SZT2: variants seen among roughly 807,000 people sequenced by gnomAD.
SZT2 encodes KICSTOR complex protein SZT2.
In SZT2, 216 loss-of-function variants were observed where a neutral mutation model predicts 404.2. The ratio of observed to expected loss-of-function variants is 0.53; its 90% CI spans 0.48 to 0.60. The LOEUF is 0.60. Ranked by LOEUF, SZT2 falls within the 20% of genes least tolerant of loss-of-function variation. The probability of loss-of-function intolerance (pLI) is 0.00; values close to 1 mark genes in which losing one functional copy is unlikely to be tolerated. For missense variants in SZT2, 3,857 were observed against 4,459.2 expected (o/e 0.86, Z 3.85); for synonymous variants, 1,693 against 1,749.9 (o/e 0.97, Z 0.81).
At position 43,422,583 on chromosome 1, in the gene SZT2, A is replaced by G; in HGVS notation, c.1873A>G (p.Ser625Gly). Reference protein sequence around the residue: ...SSLTSLLRDWSSFVLVEGYSY... With the variant: ...SSLTSLLRDWGSFVLVEGYSY... ...CCTGACCTCTCTGCTGCGGGACTGG[A>G]GCAGCTTCGTACTAGTCGAGGGCTA... Residue 625 changes from serine to glycine, a missense_variant, in exon 13 of 72, where the codon AGC (serine) becomes GGC (glycine). By Grantham distance (56) the Ser-to-Gly change is moderately conservative. Transcript: ENST00000634258. 1 of 1,597,952 alleles carries G rather than the reference A, an allele frequency of 6.3e-7. No individual in the cohort carries two copies. The highest frequency in any genetic ancestry group is 8.5e-7 in the Non-Finnish European group (1 of 1,179,662).
At chr1:43,445,598 CT>C in intron 62 of SZT2, 1 of 456,038 alleles carries the variant, frequency 2.2e-6, no homozygotes. Context: ...CAGGCATCAC[CT>C]TCCCCCTTCT....
Position 43,443,782 on chromosome 1 carries a change from C to T in SZT2, c.8811C>T (p.Pro2937=), listed in dbSNP as rs748298194. 13 of 1,613,494 alleles carry T rather than the reference C, an allele frequency of 8.1e-6. No homozygotes were observed. The African/African-American group carries it at 1.6e-4, about 20-fold the overall frequency. Residue 2937 remains proline (P), a synonymous_variant, in exon 62 of 72, where the codon CCC becomes CCT. Coordinates refer to ENST00000634258, the MANE Select transcript of SZT2 (RefSeq NM_001365999.1). ...IGFVLVPLRP[P]SPARSTSRPR... ...TTGTGCTGGTACCACTGCGGCCCCC[C>T]TCACCCGCCCGCAGGTGAGCCCGTC...
rs1653287379 is a variant in SZT2 at position 43,427,377 on chromosome 1, A to G, written c.3530A>G (p.Asp1177Gly). Reference protein sequence around the residue: ...GDWSGAPSLKDLGGTGIKATK... With the variant: ...GDWSGAPSLKGLGGTGIKATK... ...TGGAGTGGGGCTCCCAGTCTGAAAG[A>G]TCTAGGAGGAACTGGGATCAAAGCT... Residue 1177 changes from aspartate (D) to glycine (G), a missense_variant, in exon 25 of 72, where the codon GAT becomes GGT. Asp to Gly is a moderately conservative substitution (Grantham distance 94, BLOSUM62 -1). This residue lies in a region of SZT2 where 1,725 missense variants were observed against 1,881.0 expected (regional missense o/e 0.92). Transcript: ENST00000634258. 2 of 1,614,062 alleles carry G rather than the reference A, an allele frequency of 1.2e-6. No homozygotes were observed. The highest frequency in any genetic ancestry group is 1.7e-6 in the Non-Finnish European group (2 of 1,180,010).
intron 46 of SZT2, chr1:43,438,209 G>A (rs1174236979): frequency 2.6e-6 from 1 of 390,022 alleles, no homozygotes; most frequent in East Asian, 5.8e-5. Context: ...GACTGCAGTT[G>A]ACTGAGGCAC....
Position 43,442,948 on chromosome 1 carries a change from A to C in SZT2, c.8281A>C (p.Thr2761Pro). 1 of 1,614,112 alleles carries C rather than the reference A, an allele frequency of 6.2e-7. No homozygotes were observed. The highest frequency in any genetic ancestry group is 8.5e-7 in the Non-Finnish European group (1 of 1,180,008). The stretch of plus-strand genomic sequence containing the variant: ...TGGTGGGGGTCCTCTTCCCCTGGAC[A>C]CATTCCCCTTTGACGAGGCCCTAAG... ...SRGGGPLPLD[T>P]FPFDEALRDI... The change falls in exon 59 of 72, where the codon ACA becomes CCA. Residue 2761 changes from threonine (T) to proline (P), a missense_variant. Physicochemically the swap from Thr to Pro is conservative, Grantham distance 38. Around this residue, in one of 7 missense-constraint regions of SZT2, gnomAD observed 573 missense variants for 592.4 expected, o/e 0.97. Coordinates refer to ENST00000634258, the MANE Select transcript of SZT2 (RefSeq NM_001365999.1). The surrounding 1 kb of genome is among the most constrained non-coding windows in gnomAD (Gnocchi z 4.5).
At chr1:43,444,170 C>A (rs1396957232) in intron 62 of SZT2, among the ~76,000 whole-genome samples, 1 of 152,158 alleles carries the variant, frequency 6.6e-6, no homozygotes, top group Admixed American at 6.5e-5. Context: ...GATCTCGGCT[C>A]ACTGCAACCT....
intron 7 of SZT2, 48 bp downstream of exon 7, chr1:43,416,689 A>G (rs750501691): frequency 6.9e-7 from 1 of 1,442,884 alleles, no homozygotes; most frequent in Non-Finnish European, 9.5e-7. Context: ...TATCTCACAC[A>G]AAGTTGGGAT....
At chr1:43,412,612 A>G (rs1039962672) in intron 4 of SZT2, 1 of 152,218 alleles carries the variant, frequency 6.6e-6, no homozygotes, top group Non-Finnish European at 1.5e-5. Context: ...ATACCCTGCA[A>G]GCACAAGCGT....
In SZT2 at chr1:43,426,364, G is replaced by A; in HGVS notation, c.3044-4G>A. The A allele has an allele frequency of 6.5e-7, 1 of 1,541,630 alleles. No individual in the cohort carries two copies. The highest frequency in any genetic ancestry group is 8.7e-7 in the Non-Finnish European group (1 of 1,146,800). On this transcript the variant is annotated splice_region_variant and splice_polypyrimidine_tract_variant and intron_variant, in intron 21 of 71. Transcript: ENST00000634258. The surrounding 1 kb of genome is among the most constrained non-coding windows in gnomAD (Gnocchi z 4.9). Reference sequence around the variant, plus strand: ...TGGTGCTGAGCAGAGTGTGTGTCGGGCAGAGCCAGAGGGTGTCCCTTTCGC... The same window carrying A: ...TGGTGCTGAGCAGAGTGTGTGTCGGACAGAGCCAGAGGGTGTCCCTTTCGC...
rs564754594 is a variant in SZT2, at chr1:43,433,139, G to A, written c.5753G>A (p.Trp1918Ter). 6.2e-7 allele frequency: 1 copy of A among 1,614,124 alleles called. No homozygotes were observed. The highest frequency in any genetic ancestry group is 2.2e-5 in the East Asian group (1 of 44,892). The change falls in exon 40 of 72, where the codon TGG becomes TAG. Residue 1918 changes from tryptophan to a stop codon, truncating the protein, a stop_gained. Coordinates refer to ENST00000634258, the MANE Select transcript of SZT2 (RefSeq NM_001365999.1). LOFTEE classifies it high-confidence loss of function. ...GLPGPCLPDF[W>*]LIVRVLQDRV... ...CCTGGGCCCTGCCTGCCTGACTTCT[G>A]GCTCATTGTCCGGGTCCTGCAGGAC... is the stretch of plus-strand genomic sequence containing the variant.
Position 43,441,514 on chromosome 1 carries a change from A to T in SZT2, c.7522A>T (p.Thr2508Ser). 6.2e-7 allele frequency: 1 copy of T among 1,613,958 alleles called. No individual in the cohort carries two copies. The highest frequency in any genetic ancestry group is 8.5e-7 in the Non-Finnish European group (1 of 1,179,906). The stretch of plus-strand genomic sequence containing the variant: ...TCCCACTGTCTTCAGGCGCCGGACA[A>T]CACAGCTAGAAGAGGGTGAGGTGGG... The part of the protein sequence containing the change: ...SGAQRQKRRT[T>S]QLEEGEVGTL... The change falls in exon 54 of 72, where the codon ACA becomes TCA. Residue 2508 changes from threonine (T) to serine (S), a missense_variant. Transcript: ENST00000634258. This position sits in a 1 kb window ranked among gnomAD's most constrained non-coding sequence, Gnocchi z 4.8.
rs1570562958 is a variant in SZT2, at chr1:43,403,069, C to T, written c.28-108C>T. On this transcript the variant is annotated intron_variant, in intron 1 of 71. Coordinates refer to ENST00000634258, the MANE Select transcript of SZT2 (RefSeq NM_001365999.1). The stretch of plus-strand genomic sequence containing the variant: ...AAACTTTTCACTTCTGCTGTTTTCC[C>T]TCTCATTGATGGTGAGTTCCTTGGG... 7.4e-6 allele frequency: 9 copies of T among 1,215,058 alleles called. No homozygotes were observed. In the East Asian group the frequency reaches 2.1e-4, roughly 29 times the overall value. The allele number at this position is 1,215,058 out of a possible 1,614,324, so 75.3% of individuals were successfully genotyped here. A position where few individuals can be genotyped will look rare whatever the true frequency, so the allele number is the denominator to read the frequency against.
chr1:43,415,234 G>A, intron 5 of SZT2, 21 bp downstream of exon 5: 1 of 1,596,452 alleles, frequency 6.3e-7, no homozygotes, highest in Non-Finnish European at 8.5e-7. Flanking sequence ...GAGAAAGTGG[G>A]CAGAGGCAAC....
rs767571360 is a variant in SZT2, at chr1:43,430,623, T to C, written c.4608T>C (p.Thr1536=). 1.2e-5 allele frequency: 20 copies of C among 1,614,098 alleles called. No individual in the cohort carries two copies. Among genetic ancestry groups the C allele is most frequent in the Non-Finnish European group, 1.7e-5 (20 of 1,180,000 alleles). The part of the protein sequence containing the change: ...LDSASLSDVD[T]VNPDEDSFSI... ...CTGCCTCGCTGTCAGACGTAGACACTGTGAATCCTGATGAAGACTCCTTCA... is the reference window on the plus strand; with the variant it reads ...CTGCCTCGCTGTCAGACGTAGACACCGTGAATCCTGATGAAGACTCCTTCA... The change falls in exon 32 of 72, where the codon ACT becomes ACC. Residue 1536 remains threonine (T), a synonymous_variant. Coordinates refer to ENST00000634258, the MANE Select transcript of SZT2 (RefSeq NM_001365999.1).
Position 43,425,642 on chromosome 1 carries a change from T to A in SZT2, c.2814T>A (p.Ala938=). Residue 938 remains alanine (A), a splice_region_variant and synonymous_variant, in exon 19 of 72, where the codon GCT becomes GCA. Coordinates refer to ENST00000634258, the MANE Select transcript of SZT2 (RefSeq NM_001365999.1). The surrounding 1 kb of genome is among the most constrained non-coding windows in gnomAD (Gnocchi z 4.3). ...TGACGTATTCTGAGATCCCGCAAGCTGTGAGTGTCCTCAGAACAGTACCCG... is the reference window on the plus strand; with the variant it reads ...TGACGTATTCTGAGATCCCGCAAGCAGTGAGTGTCCTCAGAACAGTACCCG... ...QDLTYSEIPQ[A]LHPRDAACIG... 6.2e-7 allele frequency: 1 copy of A among 1,613,820 alleles called. No homozygotes were observed. The highest frequency in any genetic ancestry group is 8.5e-7 in the Non-Finnish European group (1 of 1,180,000).
At chr1:43,429,461 A>C in intron 28 of SZT2, 1 of 463,774 alleles carries the variant, frequency 2.2e-6, no homozygotes, top group Non-Finnish European at 3.9e-6. Flanking sequence ...CTGCACTCCT[A>C]CCTCAGCAAC....
chr1:43,394,912 T>C (rs1222390460), intron 1 of SZT2, among the ~76,000 whole-genome samples: 2 of 151,390 alleles, frequency 1.3e-5, no homozygotes, highest in Non-Finnish European at 2.9e-5. Context: ...AAAGAAAATA[T>C]AGTTGTTGAC....
At chr1:43,394,723 A>G (rs1385822278) in intron 1 of SZT2, among the ~76,000 whole-genome samples, 1 of 152,088 alleles carries the variant, frequency 6.6e-6, no homozygotes, top group Non-Finnish European at 1.5e-5. Flanking sequence ...TACCAAAAAT[A>G]CAAAATTAGC....
At chr1:43,434,283 C>A in intron 40 of SZT2, 103 bp from the exon 41 acceptor site, 2 of 997,938 alleles carry the variant, frequency 2.0e-6, no homozygotes, top group South Asian at 1.6e-5. Flanking sequence ...ACTTTCTCTC[C>A]CCCTCGTGAT....
Sources: allele counts gnomAD v4.1 joint callset (sites outside exome capture counted in the v4.1 genomes callset), GRCh38; gene constraint gnomAD v4.1.1; regional missense constraint gnomAD v4.1.1; non-coding constraint Gnocchi (gnomAD v3.1); transcripts MANE v1.5; gene names NCBI Gene and HGNC (gene_info 2026-07-23, HGNC 2026-07-21).